ROCK1: variants seen among roughly 807,000 people sequenced by gnomAD.
ROCK1 encodes rho-associated protein kinase 1.
Under a neutral mutation model 196.8 loss-of-function variants are expected in ROCK1, and 36 were observed. That is an observed-to-expected ratio of 0.18 (90% CI 0.14 to 0.24). The LOEUF (loss-of-function observed/expected upper bound fraction) is 0.24, where lower values mean the gene tolerates loss of function less well. ROCK1 is among the 10% of genes least tolerant of loss of function. ROCK1 has a pLI of 1.00. For missense variants in ROCK1, 920 were observed against 1,562.0 expected (o/e 0.59, Z 6.93); for synonymous variants, 443 against 515.9 (o/e 0.86, Z 1.91).
Position 20,947,896 on chromosome 18 carries a change from G to T in ROCK1, c.*3488C>A, listed in dbSNP as rs1355795587. The T allele has an allele frequency of 1.7e-4, 26 of 151,826 alleles. No homozygotes were observed. The highest frequency in any genetic ancestry group is 1.7e-3 in the Admixed American group (26 of 15,260). The allele number at this position is 151,826 out of a possible 1,614,324, so 9.4% of individuals were successfully genotyped here. Reference sequence around the variant, plus strand: ...GCCAAGGTGGGTGTGGATCACCTGAGGTCAGGAGTTCAAGACCAGGCTGGC... The same window carrying T: ...GCCAAGGTGGGTGTGGATCACCTGATGTCAGGAGTTCAAGACCAGGCTGGC... On this transcript the variant is annotated 3_prime_UTR_variant, in exon 33 of 33. Coordinates refer to ENST00000399799, the MANE Select transcript of ROCK1 (RefSeq NM_005406.3).
At chr18:21,092,530 G>A (rs569164973) in intron 1 of ROCK1, among the ~76,000 whole-genome samples, 2 of 141,112 alleles carry the variant, frequency 1.4e-5, no homozygotes, top group South Asian at 2.2e-4. Flanking sequence ...GCTGCAGTGA[G>A]CCATGATCGC....
At chr18:21,009,990 G>GAACT (rs1302189144) in intron 13 of ROCK1, among the ~76,000 whole-genome samples, 1 of 152,114 alleles carries the variant, frequency 6.6e-6, no homozygotes, top group African/African-American at 2.4e-5. Flanking sequence ...ATTGTGTTTA[G>GAACT]AACTGTTCAT....
rs556426518 is a variant in ROCK1, at chr18:21,046,532, G to A, written c.415-1065C>T. Among the ~76,000 whole-genome samples the A allele has an allele frequency of 2.8e-4, 43 of 152,326 alleles. 1 individual carries two copies. In the East Asian group the frequency reaches 8.1e-3, roughly 29 times the overall value. ...AACAAATGACAGCAGTCAGGAGGAG[G>A]AGCAGTAATAGCTAACACAGAAGTA... On this transcript the variant is annotated intron_variant, in intron 4 of 32. Coordinates refer to ENST00000399799, the MANE Select transcript of ROCK1 (RefSeq NM_005406.3).
chr18:20,952,434 A>G (rs564710397), intron 32 of ROCK1, among the ~76,000 whole-genome samples: 389 of 146,504 alleles, frequency 2.7e-3, no homozygotes, highest in Non-Finnish European at 4.7e-3. Context: ...GTTATGCCTT[A>G]TAATTGTTTA....
chr18:21,071,959 T>TC (rs2036389564), intron 1 of ROCK1, among the ~76,000 whole-genome samples: 1 of 152,182 alleles, frequency 6.6e-6, no homozygotes, highest in Admixed American at 6.5e-5. Context: ...GTCTCACTTC[T>TC]CTCTCTTTTA....
chr18:21,022,905 C>T (rs2035926251), intron 11 of ROCK1, among the ~76,000 whole-genome samples: 1 of 151,836 alleles, frequency 6.6e-6, no homozygotes, highest in Non-Finnish European at 1.5e-5. Flanking sequence ...TATTACTCAG[C>T]CTTAAACACG....
intron 9 of ROCK1, among the ~76,000 whole-genome samples, chr18:21,038,545 T>C (rs2036077017): frequency 6.6e-6 from 1 of 152,184 alleles, no homozygotes. Flanking sequence ...ACATGATTTA[T>C]TTCATCAGAA....
chr18:21,029,728 T>C (rs929547720), intron 9 of ROCK1, among the ~76,000 whole-genome samples: 5 of 152,102 alleles, frequency 3.3e-5, no homozygotes, highest in African/African-American at 1.2e-4. Context: ...AGGAGAAAAT[T>C]CCATATAAAA....
chr18:21,091,853 C>G (rs1321039672), intron 1 of ROCK1, among the ~76,000 whole-genome samples: 1 of 151,750 alleles, frequency 6.6e-6, no homozygotes, highest in Non-Finnish European at 1.5e-5. Context: ...GCCTATAATC[C>G]CAGCTACTCT....
At chr18:21,053,840 A>G (rs1036433164) in intron 2 of ROCK1, among the ~76,000 whole-genome samples, 7 of 152,160 alleles carry the variant, frequency 4.6e-5, no homozygotes, top group Admixed American at 2.6e-4. Flanking sequence ...GGAGGGAAAA[A>G]AAAAGACAAC....
In ROCK1 at chr18:21,060,856, A is replaced by C. The variant is rs2036283399; in HGVS notation, c.175+9676T>G. ...CTCCATCTCAAAAAAAAAAAAAAAAAAAAAACCTAAATTCATGCAAAAACT... is the reference window on the plus strand; with the variant it reads ...CTCCATCTCAAAAAAAAAAAAAAAACAAAAACCTAAATTCATGCAAAAACT... On this transcript the variant is annotated intron_variant, in intron 2 of 32. Transcript: ENST00000399799. Among the ~76,000 whole-genome samples the C allele has an allele frequency of 3.3e-5, 5 of 151,756 alleles. No individual in the cohort carries two copies. The South Asian group carries it at 8.3e-4, about 25-fold the overall frequency.
rs560241794 is a variant in ROCK1 at position 21,079,162 on chromosome 18, T to C, written c.94-8549A>G. Among the ~76,000 whole-genome samples the C allele has an allele frequency of 7.2e-5, 11 of 152,304 alleles. No homozygotes were observed. The East Asian group carries it at 2.1e-3, about 29-fold the overall frequency. On this transcript the variant is annotated intron_variant, in intron 1 of 32. Coordinates refer to ENST00000399799, the MANE Select transcript of ROCK1 (RefSeq NM_005406.3). Reference sequence around the variant, plus strand: ...ACCTTAAAAAGTGCTTCCTTTTCCATTCATCTGCTGAGTTATTGGGATCCC... The same window carrying C: ...ACCTTAAAAAGTGCTTCCTTTTCCACTCATCTGCTGAGTTATTGGGATCCC...
rs1042409320 is a variant in ROCK1, at chr18:20,950,961, T to C, written c.*423A>G. 6 of 156,774 alleles carry C rather than the reference T, an allele frequency of 3.8e-5. No homozygotes were observed. The highest frequency in any genetic ancestry group is 1.4e-4 in the African/African-American group (6 of 41,578). 9.7% of individuals were successfully genotyped at this position (156,774 alleles called of 1,614,324 possible). A position where few individuals can be genotyped will look rare whatever the true frequency, so the allele number is the denominator to read the frequency against. ...AAAAACAAAACTTCAGTTTGTCTCA[T>C]TTTGAGATATTTTCTTTACTCCTTC... On this transcript the variant is annotated 3_prime_UTR_variant, in exon 33 of 33. Transcript: ENST00000399799.
chr18:21,092,909 G>A (rs575154382), intron 1 of ROCK1, among the ~76,000 whole-genome samples: 2 of 152,238 alleles, frequency 1.3e-5, no homozygotes, highest in Non-Finnish European at 2.9e-5. Context: ...CTTAAGTTGA[G>A]GTTTGGCAAA....
At chr18:21,007,965 G>A in intron 14 of ROCK1, 94 bp downstream of exon 14, 1 of 842,096 alleles carries the variant, frequency 1.2e-6, no homozygotes, top group Non-Finnish European at 1.7e-6. Context: ...TCTTAGGATT[G>A]TAGCTTCATG....
In ROCK1 at chr18:20,947,619, A is replaced by G. The variant is rs199656900; in HGVS notation, c.*3765T>C. On this transcript the variant is annotated 3_prime_UTR_variant, in exon 33 of 33. Coordinates refer to ENST00000399799, the MANE Select transcript of ROCK1 (RefSeq NM_005406.3). ...AACTGCTTGAGGCTAGGAGTTAGAG[A>G]CCACCCTGGGCAACATAATCTCATC... 6.6e-6 allele frequency: 1 copy of G among 152,102 alleles called. No individual in the cohort carries two copies. Among genetic ancestry groups the G allele is most frequent in the Non-Finnish European group, 1.5e-5 (1 of 68,018 alleles). 9.4% of individuals were successfully genotyped at this position (152,102 alleles called of 1,614,324 possible).
chr18:21,066,539 T>A (rs1027522843), intron 2 of ROCK1, among the ~76,000 whole-genome samples: 1 of 152,208 alleles, frequency 6.6e-6, no homozygotes, highest in Admixed American at 6.5e-5. Flanking sequence ...CTAACACATA[T>A]ACTCATGTAA....
rs574658129 is a variant in ROCK1, at chr18:20,951,619, G to A, written c.4062-232C>T. 4.8e-4 allele frequency among the ~76,000 whole-genome samples: 73 copies of A among 152,256 alleles called. 1 individual carries two copies. The South Asian group carries it at 0.011, about 22-fold the overall frequency. ...CTCATTTCAAATCATTTTAGATCCA[G>A]TTTACAACCTATGCTCAGGAGAAGG... On this transcript the variant is annotated intron_variant, in intron 32 of 32. Transcript: ENST00000399799.
intron 1 of ROCK1, among the ~76,000 whole-genome samples, chr18:21,097,105 A>G (rs560317068): frequency 2.6e-5 from 4 of 152,264 alleles, no homozygotes; most frequent in Non-Finnish European, 4.4e-5. Context: ...ATAGAAAGCA[A>G]GAAAATCCAG....
Sources: gnomAD v4.1 joint callset for allele counts (sites outside exome capture counted in the v4.1 genomes callset) on GRCh38, gnomAD v4.1.1 for gene constraint, MANE v1.5 for transcripts, NCBI Gene and HGNC (gene_info 2026-07-23, HGNC 2026-07-21) for gene names.